The following HNF4A variants were observed in gnomAD, a reference collection of about 807,000 sequenced individuals.
HNF4A encodes hepatocyte nuclear factor 4 alpha.
HNF4A carries 15 observed loss-of-function variants against 52.4 expected under a neutral mutation model. The observed-to-expected ratio is 0.29, with a 90% confidence interval of 0.19 to 0.44. The LOEUF (loss-of-function observed/expected upper bound fraction) is 0.44, where lower values mean the gene tolerates loss of function less well. Among genes scored for constraint, HNF4A ranks in the 20% least tolerant of loss-of-function variants. The pLI is 1.00. For synonymous variants in HNF4A, 280 were observed against 264.4 expected (o/e 1.06, Z -0.57); for missense variants, 479 against 647.2 (o/e 0.74, Z 2.82).
At chr20:44,424,298 C>T in intron 8 of HNF4A, 44 bp downstream of exon 8, 2 of 1,608,216 alleles carry the variant, frequency 1.2e-6, no homozygotes, top group African/African-American at 2.7e-5. Context: ...GTGGGGACTC[C>T]CCAGGAGACA....
chr20:44,417,634 A>C (rs1240362119), intron 5 of HNF4A, among the ~76,000 whole-genome samples: 1 of 152,034 alleles, frequency 6.6e-6, no homozygotes, highest in Non-Finnish European at 1.5e-5. Flanking sequence ...CCCTGGGCCC[A>C]CCCTAAACAT....
In HNF4A at chr20:44,402,565, G is replaced by T. The variant is rs372041644; in HGVS notation, c.115+1078G>T. The stretch of plus-strand genomic sequence containing the variant: ...TTGTCTCTGAGCAGATTTTGTTGCC[G>T]CTGCGTCTCGCCAGATTGAGGCATC... On this transcript the variant is annotated intron_variant, in intron 1 of 9. Coordinates refer to ENST00000316099, the MANE Select transcript of HNF4A (RefSeq NM_000457.6). 5 of 1,365,114 alleles carry T rather than the reference G, an allele frequency of 3.7e-6. No individual in the cohort carries two copies. In the South Asian group the frequency reaches 4.6e-5, roughly 12 times the overall value. 84.6% of individuals were successfully genotyped at this position (1,365,114 alleles called of 1,614,324 possible).
intron 1 of HNF4A, chr20:44,389,994 G>A (rs1360898095): frequency 5.3e-5 from 8 of 152,308 alleles, no homozygotes; most frequent in Admixed American, 3.9e-4. Context: ...CACATTCACT[G>A]GATGTTACTA....
At chr20:44,362,190 C>G (rs151012947) in intron 1 of HNF4A, among the ~76,000 whole-genome samples, 1 of 151,730 alleles carries the variant, frequency 6.6e-6, no homozygotes, top group African/African-American at 2.4e-5. Flanking sequence ...GAGGCTAAGG[C>G]GGGTGGATCA....
chr20:44,390,663 C>A (rs549449127), intron 1 of HNF4A: 2 of 702,474 alleles, frequency 2.8e-6, no homozygotes, highest in African/African-American at 1.7e-5. Context: ...GCCAGGGCTT[C>A]CCCCAGGACC....
At chr20:44,410,740 CTG>C (rs972791551) in intron 3 of HNF4A, among the ~76,000 whole-genome samples, 1 of 151,988 alleles carries the variant, frequency 6.6e-6, no homozygotes, top group African/African-American at 2.4e-5. Context: ...GAAGAGGACA[CTG>C]AGGCTAGAGA....
In HNF4A at chr20:44,406,061, C is replaced by T. The variant is rs199796094; in HGVS notation, c.119C>T (p.Thr40Met). 1.7e-5 allele frequency: 28 copies of T among 1,612,038 alleles called. No homozygotes were observed. The highest frequency in any genetic ancestry group is 8.9e-5 in the East Asian group (4 of 44,890). Residue 40 changes from threonine to methionine, a missense_variant, in exon 2 of 10, where the codon ACG becomes ATG. Physicochemically the swap from Thr to Met is moderately conservative, Grantham distance 81. Coordinates refer to ENST00000316099, the MANE Select transcript of HNF4A (RefSeq NM_000457.6). ...ACTCCCTTCTCTCCTGGCGCAGACA[C>T]GTCCCCATCAGAAGGCACCAACCTC...
At chr20:44,407,026 T>C (rs528814678) in intron 2 of HNF4A, among the ~76,000 whole-genome samples, 35 of 152,298 alleles carry the variant, frequency 2.3e-4, no homozygotes, top group Admixed American at 4.6e-4. Context: ...CTCTGAGCCA[T>C]AACCAGGAGC....
At chr20:44,408,933 G>A (rs533401659) in intron 3 of HNF4A, among the ~76,000 whole-genome samples, 3 of 152,002 alleles carry the variant, frequency 2.0e-5, no homozygotes, top group Non-Finnish European at 4.4e-5. Flanking sequence ...AAGCAGGAAC[G>A]TAGGACCCAG....
chr20:44,412,087 G>T (rs73111870), intron 3 of HNF4A, among the ~76,000 whole-genome samples: 7,338 of 152,000 alleles, frequency 0.048, 251 homozygotes, highest in Non-Finnish European at 0.076. Flanking sequence ...ATTAGAGCTT[G>T]TCTCTTCCAA....
chr20:44,376,824 T>G (rs1362295702), intron 1 of HNF4A, among the ~76,000 whole-genome samples: 1 of 152,236 alleles, frequency 6.6e-6, no homozygotes, highest in African/African-American at 2.4e-5. Context: ...GTACATATCC[T>G]GCAGCAACTT....
intron 3 of HNF4A, 64 bp downstream of exon 3, chr20:44,407,539 T>C: frequency 2.7e-6 from 3 of 1,121,736 alleles, no homozygotes; most frequent in Non-Finnish European, 3.9e-6. Flanking sequence ...TCCCCGACAG[T>C]CATTTACAAC....
At chr20:44,415,079 G>T (rs1342177639) in intron 5 of HNF4A, among the ~76,000 whole-genome samples, 1 of 152,188 alleles carries the variant, frequency 6.6e-6, no homozygotes, top group Non-Finnish European at 1.5e-5. Flanking sequence ...GGAGATTTTG[G>T]CTTAAGCTAT....
At chr20:44,425,612 G>A (rs1253885158) in intron 8 of HNF4A, among the ~76,000 whole-genome samples, 1 of 151,792 alleles carries the variant, frequency 6.6e-6, no homozygotes, top group Non-Finnish European at 1.5e-5. Context: ...GTGGTAGTGA[G>A]GGGTGACCTC....
intron 1 of HNF4A, among the ~76,000 whole-genome samples, chr20:44,403,956 G>T (rs2063446724): frequency 6.6e-6 from 1 of 152,144 alleles, no homozygotes; most frequent in Non-Finnish European, 1.5e-5. Flanking sequence ...GGGGTCGGGG[G>T]AGGAGAGGCC....
chr20:44,358,398 T>G (rs540481986), intron 1 of HNF4A, among the ~76,000 whole-genome samples: 158 of 152,004 alleles, frequency 1.0e-3, no homozygotes, highest in African/African-American at 3.6e-3. Flanking sequence ...TAACTTGAGA[T>G]TAGGAGTTCG....
chr20:44,427,100 G>GT (rs1205568685), intron 8 of HNF4A, among the ~76,000 whole-genome samples: 1 of 152,198 alleles, frequency 6.6e-6, no homozygotes, highest in East Asian at 1.9e-4. Context: ...TCTCTGTCCT[G>GT]TACCCATAAG....
intron 1 of HNF4A, among the ~76,000 whole-genome samples, chr20:44,372,335 TCTTGCGTAGACCAATC>T (rs2063042499): frequency 6.6e-6 from 1 of 152,190 alleles, no homozygotes; most frequent in African/African-American, 2.4e-5. Context: ...CATTTTCCAT[TCTTGCGTAGACCAATC>T]CCAGTCAAAT....
At chr20:44,357,891 C>T (rs1048844093) in intron 1 of HNF4A, among the ~76,000 whole-genome samples, 2 of 150,748 alleles carry the variant, frequency 1.3e-5, no homozygotes, top group Non-Finnish European at 2.9e-5. Flanking sequence ...CGAGACTTGA[C>T]ACAATCCAGC....
Sources: gnomAD v4.1 joint callset for allele counts (sites outside exome capture counted in the v4.1 genomes callset) on GRCh38, gnomAD v4.1.1 for gene constraint, MANE v1.5 for transcripts, NCBI Gene and HGNC (gene_info 2026-07-23, HGNC 2026-07-21) for gene names.